The following IL2 variants were observed in gnomAD, a reference collection of about 807,000 sequenced individuals.
The protein encoded by IL2 is interleukin 2.
A neutral mutation model predicts 14.6 loss-of-function variants in IL2; 3 were observed. The observed-to-expected ratio is 0.21, with a 90% confidence interval of 0.09 to 0.53. IL2 has a LOEUF of 0.53. IL2 is among the 20% of genes least tolerant of loss of function. The probability of loss-of-function intolerance (pLI) is 0.95; values close to 1 mark genes in which losing one functional copy is unlikely to be tolerated. For missense variants in IL2, 125 were observed against 170.8 expected, an observed-to-expected ratio of 0.73 and a Z score of 1.50; for synonymous variants, 71 against 60.0, an observed-to-expected ratio of 1.18 and a Z score of -0.85.
chr4:122,454,368 C>G (rs1797709339), intron 2 of IL2, among the ~76,000 whole-genome samples: 6 of 151,854 alleles, frequency 4.0e-5, no homozygotes, highest in African/African-American at 1.4e-4. Flanking sequence ...GAGCAAGACA[C>G]ATTTTTAAAT....
At chr4:122,452,780 A>G (rs971235207) in intron 3 of IL2, among the ~76,000 whole-genome samples, 1 of 151,988 alleles carries the variant, frequency 6.6e-6, no homozygotes, top group Non-Finnish European at 1.5e-5. Flanking sequence ...TTTTATTTTA[A>G]AAAGTGTTTG....
In IL2 at chr4:122,453,856, A is replaced by G. The variant is rs1797702118; in HGVS notation, c.208-3T>C. On this transcript the variant is annotated splice_polypyrimidine_tract_variant and splice_region_variant and intron_variant, in intron 2 of 3. Coordinates refer to ENST00000226730, the MANE Select transcript of IL2 (RefSeq NM_000586.4). The stretch of plus-strand genomic sequence containing the variant: ...TGAAGATGTTTCAGTTCTGTGGCCT[A>G]GAATAATAATTATCATCAGCTCAGT... 1.2e-6 allele frequency: 2 copies of G among 1,600,280 alleles called. No individual in the cohort carries two copies. The highest frequency in any genetic ancestry group is 1.1e-5 in the South Asian group (1 of 88,174).
rs772015543 is a variant in IL2 at position 122,456,451 on chromosome 4, G to T, written c.-11C>A. ...TTGCATCCTGTACATTGTGGCAGGA[G>T]TTGAGGTTACTGTGAGTAGTGATTA... On this transcript the variant is annotated 5_prime_UTR_variant, in exon 1 of 4. Coordinates refer to ENST00000226730, the MANE Select transcript of IL2 (RefSeq NM_000586.4). The T allele has an allele frequency of 1.2e-6, 2 of 1,601,342 alleles. No homozygotes were observed. Among genetic ancestry groups the T allele is most frequent in the Non-Finnish European group, 8.5e-7 (1 of 1,171,246 alleles).
rs141653774 is a variant in IL2 at position 122,453,507 on chromosome 4, G to T, written c.351+203C>A. On this transcript the variant is annotated intron_variant, in intron 3 of 3. Transcript: ENST00000226730. ...AGGCTTGTCCATTAGTAGATGGTAG[G>T]TGCAAACTCAGTAGCTTATACTCCC... 1.6e-3 allele frequency among the ~76,000 whole-genome samples: 240 copies of T among 151,908 alleles called. 1 individual carries two copies. The highest frequency in any genetic ancestry group is 0.014 in the Middle Eastern group (4 of 294).
At chr4:122,451,965 C>T (rs998347437) in intron 3 of IL2, 103 bp from the exon 4 acceptor site, 8 of 417,224 alleles carry the variant, frequency 1.9e-5, no homozygotes, top group Admixed American at 1.8e-4. Flanking sequence ...TATTTTCAAG[C>T]TTACCAAACA....
At chr4:122,453,647 TG>T in intron 3 of IL2, 62 bp downstream of exon 3, 2 of 1,387,280 alleles carry the variant, frequency 1.4e-6, no homozygotes, top group Non-Finnish European at 9.9e-7. Flanking sequence ...CTTTAAAATG[TG>T]GTACTTTTCC....
chr4:122,454,612 T>C (rs1235466898), intron 2 of IL2, among the ~76,000 whole-genome samples: 1 of 151,830 alleles, frequency 6.6e-6, no homozygotes, highest in Non-Finnish European at 1.5e-5. Context: ...CAGTGAAGTA[T>C]CATCTCCACT....
intron 3 of IL2, 41 bp downstream of exon 3, chr4:122,453,669 T>C: frequency 6.5e-7 from 1 of 1,536,518 alleles, no homozygotes; most frequent in East Asian, 2.3e-5. Context: ...CCCTACTTTT[T>C]TTTTTTTATT....
chr4:122,454,288 A>G lies in IL2; in HGVS notation c.208-435T>C, dbSNP rs80108948. On this transcript the variant is annotated intron_variant, in intron 2 of 3. Transcript: ENST00000226730. ...GAGAGAGAAGGAACTCTTGGATGCC[A>G]TCTATCACAATCCCAACATTTTACA... is the stretch of plus-strand genomic sequence containing the variant. Among the ~76,000 whole-genome samples the G allele has an allele frequency of 3.9e-3, 592 of 152,012 alleles. 2 individuals carry two copies. The highest frequency in any genetic ancestry group is 6.8e-3 in the Middle Eastern group (2 of 294).
intron 2 of IL2, among the ~76,000 whole-genome samples, chr4:122,455,439 G>A (rs1797719833): frequency 6.6e-6 from 1 of 151,814 alleles, no homozygotes; most frequent in South Asian, 2.1e-4. Flanking sequence ...AAAAGATAAA[G>A]TCCAAAATTT....
At chr4:122,455,712 C>T (rs1797723057) in intron 2 of IL2, among the ~76,000 whole-genome samples, 1 of 151,910 alleles carries the variant, frequency 6.6e-6, no homozygotes, top group Non-Finnish European at 1.5e-5. Context: ...TGGCCCCAGA[C>T]TCTGTGCTAT....
intron 2 of IL2, among the ~76,000 whole-genome samples, 168 bp from the exon 3 acceptor site, chr4:122,454,021 CTA>C (rs1797704263): frequency 6.6e-6 from 1 of 151,760 alleles, no homozygotes; most frequent in South Asian, 2.1e-4. Context: ...ACTGGAAAAA[CTA>C]GGGCTCAAGT....
chr4:122,456,074 A>G (rs2150634306), intron 2 of IL2, 70 bp downstream of exon 2: 2 of 1,158,040 alleles, frequency 1.7e-6, no homozygotes, highest in Non-Finnish European at 2.6e-6. Flanking sequence ...TATTAGTCCC[A>G]TCTGTGCAAA....
chr4:122,455,721 A>G (rs776702103), intron 2 of IL2, among the ~76,000 whole-genome samples: 81 of 152,044 alleles, frequency 5.3e-4, no homozygotes, highest in Non-Finnish European at 5.0e-4. Flanking sequence ...ACTCTGTGCT[A>G]TTAGTGTTAT....
chr4:122,456,321 A>T lies in IL2; in HGVS notation c.120T>A (p.Asp40Glu). ...TQLQLEHLLL[D>E]LQMILNGINN... Reference sequence around the variant, plus strand: ...TAATTCCATTCAAAATCATCTGTAAATCCAGCAGTAAATGCTCCAGTTGTA... The same window carrying T: ...TAATTCCATTCAAAATCATCTGTAATTCCAGCAGTAAATGCTCCAGTTGTA... The change falls in exon 1 of 4, where the codon GAT becomes GAA. Residue 40 changes from aspartate (D) to glutamate (E), a missense_variant. By Grantham distance (45) the Asp-to-Glu change is conservative (BLOSUM62 2). Transcript: ENST00000226730. The T allele has an allele frequency of 6.2e-7, 1 of 1,611,140 alleles. No homozygotes were observed. The highest frequency in any genetic ancestry group is 8.5e-7 in the Non-Finnish European group (1 of 1,177,898).
intron 3 of IL2, among the ~76,000 whole-genome samples, 179 bp from the exon 4 acceptor site, chr4:122,452,041 T>C (rs951157630): frequency 2.0e-5 from 3 of 152,146 alleles, no homozygotes; most frequent in Non-Finnish European, 4.4e-5. Flanking sequence ...TTTGTTATGA[T>C]ACCAAATGAT....
In IL2 at chr4:122,451,528, T is replaced by G. The variant is rs965023593; in HGVS notation, c.*224A>C. The G allele has an allele frequency of 3.8e-6, 1 of 266,480 alleles. No individual in the cohort carries two copies. Among genetic ancestry groups the G allele is most frequent in the Non-Finnish European group, 7.1e-6 (1 of 140,760 alleles). The allele number at this position is 266,480 out of a possible 1,614,324, so 16.5% of individuals were successfully genotyped here. A position where few individuals can be genotyped will look rare whatever the true frequency, so the allele number is the denominator to read the frequency against. On this transcript the variant is annotated 3_prime_UTR_variant, in exon 4 of 4. Coordinates refer to ENST00000226730, the MANE Select transcript of IL2 (RefSeq NM_000586.4). ...TAACCAATCTACATAGATACTATAT[T>G]TAACATTCAACATAATAATAAATAT...
chr4:122,453,851 G>C lies in IL2; in HGVS notation c.210C>G (p.Ala70=). ...GACACTGAAGATGTTTCAGTTCTGT[G>C]GCCTAGAATAATAATTATCATCAGC... is the stretch of plus-strand genomic sequence containing the variant. ...LTFKFYMPKK[A]TELKHLQCLE... The change falls in exon 3 of 4, where the codon GCC becomes GCG. Residue 70 remains alanine, a splice_region_variant and synonymous_variant. Transcript: ENST00000226730. 6.2e-7 allele frequency: 1 copy of C among 1,602,528 alleles called. No homozygotes were observed. The highest frequency in any genetic ancestry group is 1.1e-5 in the South Asian group (1 of 88,670).
Position 122,456,572 on chromosome 4 carries a change from A to G in IL2, c.-132T>C, listed in dbSNP as rs1235979216. On this transcript the variant is annotated 5_prime_UTR_variant, in exon 1 of 4. Coordinates refer to ENST00000226730, the MANE Select transcript of IL2 (RefSeq NM_000586.4). ...GGTGTCAAAATGTTTTACATATTAC[A>G]CATATTTTCAAAGACTTTACCTGTC... The G allele has an allele frequency of 1.5e-6, 1 of 647,470 alleles. No individual in the cohort carries two copies. The highest frequency in any genetic ancestry group is 2.6e-6 in the Non-Finnish European group (1 of 385,644). The allele number at this position is 647,470 out of a possible 1,614,324, so 40.1% of individuals were successfully genotyped here.
Sources: allele counts gnomAD v4.1 joint callset (sites outside exome capture counted in the v4.1 genomes callset), GRCh38; gene constraint gnomAD v4.1.1; transcripts MANE v1.5; gene names NCBI Gene and HGNC (gene_info 2026-07-23, HGNC 2026-07-21).